The following KIF26B variants were observed in gnomAD, a reference collection of about 807,000 sequenced individuals.
KIF26B encodes kinesin-like protein KIF26B.
A neutral mutation model predicts 151.2 loss-of-function variants in KIF26B; 63 were observed. The ratio of observed to expected loss-of-function variants is 0.42; its 90% CI spans 0.34 to 0.51. The LOEUF (loss-of-function observed/expected upper bound fraction) is 0.51, where lower values mean the gene tolerates loss of function less well. Ranked by LOEUF, KIF26B falls within the 20% of genes least tolerant of loss-of-function variation. The probability of loss-of-function intolerance (pLI) is 0.07; values close to 1 mark genes in which losing one functional copy is unlikely to be tolerated. For synonymous variants in KIF26B, 1,357 were observed against 1,262.1 expected (o/e 1.08, Z -1.59); for missense variants, 2,813 against 2,913.6 (o/e 0.97, Z 0.79).
At chr1:245,224,013 A>G (rs1669825356) in intron 2 of KIF26B, among the ~76,000 whole-genome samples, 1 of 152,168 alleles carries the variant, frequency 6.6e-6, no homozygotes, top group African/African-American at 2.4e-5. Context: ...GGCCGGGTGC[A>G]GTGGCTCACG....
chr1:245,604,756 G>A (rs997857610), intron 6 of KIF26B, among the ~76,000 whole-genome samples: 1 of 152,110 alleles, frequency 6.6e-6, no homozygotes, highest in Admixed American at 6.5e-5. Flanking sequence ...CTGGAGTTTC[G>A]CTCATTTCAG....
intron 5 of KIF26B, among the ~76,000 whole-genome samples, chr1:245,570,958 T>C (rs768125153): frequency 6.6e-6 from 1 of 152,208 alleles, no homozygotes; most frequent in Non-Finnish European, 1.5e-5. Flanking sequence ...AAATCTAACA[T>C]GTTAAAATCT....
At chr1:245,346,427 T>A (rs1672458793) in intron 2 of KIF26B, among the ~76,000 whole-genome samples, 1 of 152,192 alleles carries the variant, frequency 6.6e-6, no homozygotes, top group Admixed American at 6.5e-5. Context: ...TGGAGACCCC[T>A]GGCTTTGCAT....
At chr1:245,518,824 T>A (rs1242313744) in intron 4 of KIF26B, among the ~76,000 whole-genome samples, 1 of 152,198 alleles carries the variant, frequency 6.6e-6, no homozygotes, top group East Asian at 1.9e-4. Context: ...TTTTGTGGAT[T>A]TTCAAATCTT....
chr1:245,325,589 T>C (rs1186260069), intron 2 of KIF26B, among the ~76,000 whole-genome samples: 1 of 152,020 alleles, frequency 6.6e-6, no homozygotes, highest in Non-Finnish European at 1.5e-5. Context: ...TGCATGCCTG[T>C]AATCCCAGCT....
At position 245,413,391 on chromosome 1, in the gene KIF26B, G is replaced by A. The variant is rs182305288; in HGVS notation, c.1000-6188G>A. Among the ~76,000 whole-genome samples, 11 of 152,318 alleles carry A rather than the reference G, an allele frequency of 7.2e-5. No homozygotes were observed. The East Asian group carries it at 9.6e-4, about 13-fold the overall frequency. ...AAAAATAAGGCTCTTGGCCAGGTGC[G>A]GTGGCTCACGCCTGTAATCCTAGCA... On this transcript the variant is annotated intron_variant, in intron 3 of 14. Transcript: ENST00000407071.
rs76340358 is a variant in KIF26B, at chr1:245,304,856, C to A, written c.466-61978C>A. Among the ~76,000 whole-genome samples the A allele has an allele frequency of 4.2e-3, 637 of 151,960 alleles. 6 individuals are homozygous for A. Among genetic ancestry groups the A allele is most frequent in the African/African-American group, 0.015 (610 of 41,394 alleles). ...CTGGACTCCAGACCAAGTGACAGAA[C>A]GAGACAGACCCATCTTTAAAAAAAA... On this transcript the variant is annotated intron_variant, in intron 2 of 14. Transcript: ENST00000407071.
intron 4 of KIF26B, among the ~76,000 whole-genome samples, chr1:245,428,646 G>A (rs1658702816): frequency 2.6e-5 from 4 of 152,188 alleles, no homozygotes; most frequent in Admixed American, 2.6e-4. Flanking sequence ...GAGATGGTGA[G>A]CTACGCTAAA....
intron 4 of KIF26B, among the ~76,000 whole-genome samples, chr1:245,515,823 G>A (rs769787788): frequency 6.6e-6 from 1 of 152,176 alleles, no homozygotes; most frequent in Non-Finnish European, 1.5e-5. Context: ...GCATGGGAGG[G>A]CTCGCTCTGT....
At chr1:245,549,657 A>G (rs893991132) in intron 5 of KIF26B, among the ~76,000 whole-genome samples, 1 of 152,236 alleles carries the variant, frequency 6.6e-6, no homozygotes, top group African/African-American at 2.4e-5. Flanking sequence ...TTGTGCCTCA[A>G]ACAGAATAGG....
intron 14 of KIF26B, among the ~76,000 whole-genome samples, chr1:245,701,351 A>ACTT (rs936260442): frequency 2.4e-4 from 36 of 152,322 alleles, no homozygotes; most frequent in African/African-American, 8.4e-4. Context: ...TTCTGATGCC[A>ACTT]CTTTTAAGGT....
intron 2 of KIF26B, among the ~76,000 whole-genome samples, chr1:245,247,533 C>T (rs1473873398): frequency 2.0e-5 from 3 of 152,156 alleles, no homozygotes; most frequent in Admixed American, 6.5e-5. Flanking sequence ...GACGTGCTAA[C>T]GAAGAGAAGA....
At chr1:245,407,398 C>T (rs890655965) in intron 3 of KIF26B, among the ~76,000 whole-genome samples, 1 of 152,136 alleles carries the variant, frequency 6.6e-6, no homozygotes, top group Non-Finnish European at 1.5e-5. Context: ...GGTTTTCTCT[C>T]CCCGCTTCCC....
At position 245,239,175 on chromosome 1, in the gene KIF26B, A is replaced by C. The variant is rs2941287; in HGVS notation, c.465+82492A>C. ...CCAGGACATTTAGTGGAAGATGGAC[A>C]TGGGCAGGAGTTAACGCGTCCTCCA... On this transcript the variant is annotated intron_variant, in intron 2 of 14. Coordinates refer to ENST00000407071, the MANE Select transcript of KIF26B (RefSeq NM_018012.4). This position sits in a 1 kb window ranked among gnomAD's most constrained non-coding sequence, Gnocchi z 4.3. 6.6e-6 allele frequency among the ~76,000 whole-genome samples: 1 copy of C among 152,002 alleles called. No individual in the cohort carries two copies. The highest frequency in any genetic ancestry group is 1.5e-5 in the Non-Finnish European group (1 of 68,010).
intron 4 of KIF26B, among the ~76,000 whole-genome samples, chr1:245,539,865 C>T (rs1413050021): frequency 6.6e-6 from 1 of 152,110 alleles, no homozygotes; most frequent in African/African-American, 2.4e-5. Context: ...GTTGGCCAGG[C>T]TGGTCTCGAA....
chr1:245,698,202 G>A lies in KIF26B; in HGVS notation c.5921G>A (p.Gly1974Asp). ...PNSTGVRWVD[G>D]PLRSSPRGLG... is the part of the protein sequence containing the mutation. Reference sequence around the variant, plus strand: ...AGCACAGGCGTCCGCTGGGTGGATGGCCCCTTGCGGAGCAGCCCGAGGGGC... The same window carrying A: ...AGCACAGGCGTCCGCTGGGTGGATGACCCCTTGCGGAGCAGCCCGAGGGGC... Residue 1974 changes from glycine (G) to aspartate (D), a missense_variant, in exon 13 of 15, where the codon GGC (glycine) becomes GAC (aspartate). Around this residue, in one of 3 missense-constraint regions of KIF26B, gnomAD observed 2,060 missense variants for 2,088.6 expected, o/e 0.99. Transcript: ENST00000407071. The surrounding 1 kb of genome is among the most constrained non-coding windows in gnomAD (Gnocchi z 4.0). The A allele has an allele frequency of 6.2e-7, 1 of 1,614,024 alleles. No homozygotes were observed. Among genetic ancestry groups the A allele is most frequent in the Non-Finnish European group, 8.5e-7 (1 of 1,179,896 alleles).
intron 4 of KIF26B, among the ~76,000 whole-genome samples, chr1:245,473,607 G>A (rs1237925430): frequency 6.6e-6 from 1 of 151,748 alleles, no homozygotes; most frequent in African/African-American, 2.4e-5. Context: ...ACGAAAGCAA[G>A]CAAAAGAACC....
At chr1:245,437,747 C>A (rs1258403903) in intron 4 of KIF26B, among the ~76,000 whole-genome samples, 1 of 152,204 alleles carries the variant, frequency 6.6e-6, no homozygotes, top group African/African-American at 2.4e-5. Context: ...ATTTCCTATA[C>A]ACCTGGAGCT....
intron 2 of KIF26B, among the ~76,000 whole-genome samples, chr1:245,359,076 T>G (rs1208940036): frequency 2.6e-5 from 4 of 151,990 alleles, no homozygotes; most frequent in Non-Finnish European, 5.9e-5. Context: ...TGGAGTGCAG[T>G]GGCGCAGTCT....
Sources: allele counts gnomAD v4.1 joint callset (sites outside exome capture counted in the v4.1 genomes callset), GRCh38; gene constraint gnomAD v4.1.1; regional missense constraint gnomAD v4.1.1; non-coding constraint Gnocchi (gnomAD v3.1); transcripts MANE v1.5; gene names NCBI Gene and HGNC (gene_info 2026-07-23, HGNC 2026-07-21).